NDUFS2: variants seen among roughly 807,000 people sequenced by gnomAD.
NDUFS2 encodes NADH dehydrogenase [ubiquinone] iron-sulfur protein 2, mitochondrial.
In NDUFS2, 38 loss-of-function variants were observed where a neutral mutation model predicts 69.6. The observed-to-expected ratio is 0.55, with a 90% CI of 0.42 to 0.72. The LOEUF (loss-of-function observed/expected upper bound fraction) is 0.72. NDUFS2 is among the 30% of genes least tolerant of loss of function. The probability of loss-of-function intolerance (pLI) is 0.00; values close to 1 mark genes in which losing one functional copy is unlikely to be tolerated. For missense variants in NDUFS2, 468 were observed against 595.0 expected, an observed-to-expected ratio of 0.79 and a Z score of 2.22; for synonymous variants, 194 against 211.2, an observed-to-expected ratio of 0.92 and a Z score of 0.70.
intron 2 of NDUFS2, among the ~76,000 whole-genome samples, 188 bp from the exon 3 acceptor site, chr1:161,206,219 A>G (rs990845259): frequency 1.3e-5 from 2 of 152,218 alleles, no homozygotes; most frequent in Non-Finnish European, 1.5e-5. Flanking sequence ...GATGTCTGTC[A>G]TCAGAAAGTT....
In NDUFS2 at chr1:161,212,362, G is replaced by A. The variant is rs150981760; in HGVS notation, c.998G>A (p.Arg333Gln). 4.2e-5 allele frequency: 68 copies of A among 1,613,282 alleles called. No homozygotes were observed. The highest frequency in any genetic ancestry group is 5.5e-5 in the Non-Finnish European group (65 of 1,179,616). Residue 333 changes from arginine (R) to glutamine (Q), a missense_variant, in exon 10 of 14, where the codon CGG becomes CAG. Arg to Gln is a conservative substitution (Grantham distance 43). This residue lies in a region of NDUFS2 where 339 missense variants were observed against 433.8 expected (regional missense o/e 0.78). Coordinates refer to ENST00000676972, the MANE Select transcript of NDUFS2 (RefSeq NM_001377299.1). ...RGDCYDRYLC[R>Q]VEEMRQSLRI... ...CTCATCTTCTTGAGGTACCTGTGCCGGGTGGAGGAGATGCGCCAGTCCCTG... is the reference window on the plus strand; with the variant it reads ...CTCATCTTCTTGAGGTACCTGTGCCAGGTGGAGGAGATGCGCCAGTCCCTG...
At chr1:161,198,083 C>G, upstream of NDUFS2, 1 of 1,612,998 alleles carries the variant, frequency 6.2e-7, no homozygotes, top group South Asian at 1.1e-5. The surrounding 1 kb of genome is among the most constrained non-coding windows in gnomAD (Gnocchi z 4.7). Flanking sequence ...ACTCTTCCGG[C>G]GTAGGATGTG....
At chr1:161,198,191 C>T (rs61747494), upstream of NDUFS2, 3,935 of 1,614,094 alleles carry the variant, frequency 2.4e-3, 10 homozygotes, top group Middle Eastern at 4.6e-3. This position sits in a 1 kb window ranked among gnomAD's most constrained non-coding sequence, Gnocchi z 4.7. Context: ...CAGGGCTCCC[C>T]CATCCCAGTG....
At chr1:161,198,763 G>T, upstream of NDUFS2, 1 of 784,942 alleles carries the variant, frequency 1.3e-6, no homozygotes. This position sits in a 1 kb window ranked among gnomAD's most constrained non-coding sequence, Gnocchi z 4.7. Flanking sequence ...TTTTCAGAAG[G>T]GCTGAGGACC....
Position 161,202,385 on chromosome 1 carries a change from G to A in NDUFS2, c.-1G>A, listed in dbSNP as rs1665178003. The A allele has an allele frequency of 1.2e-6, 2 of 1,611,240 alleles. No homozygotes were observed. Among genetic ancestry groups the A allele is most frequent in the Non-Finnish European group, 1.7e-6 (2 of 1,179,060 alleles). On this transcript the variant is annotated 5_prime_UTR_variant, in exon 1 of 14. Coordinates refer to ENST00000676972, the MANE Select transcript of NDUFS2 (RefSeq NM_001377299.1). ...TTCCCGCAGTCTGCAGCCGGAGTAA[G>A]ATGGCGGCGCTGAGGGCTTTGTGCG...
At chr1:161,198,723 C>A, upstream of NDUFS2, 1 of 1,209,482 alleles carries the variant, frequency 8.3e-7, no homozygotes, top group East Asian at 2.6e-5. This position sits in a 1 kb window ranked among gnomAD's most constrained non-coding sequence, Gnocchi z 4.7. Flanking sequence ...AGCCTGGGGG[C>A]TTGGACTCCT....
chr1:161,202,304 G>A, upstream of NDUFS2: 2 of 1,387,544 alleles, frequency 1.4e-6, no homozygotes, highest in Non-Finnish European at 2.0e-6. Context: ...TTCACTGTGC[G>A]AATAGGTGAG....
intron 9 of NDUFS2, 135 bp downstream of exon 9, chr1:161,210,845 C>T (rs563504406): frequency 8.5e-5 from 113 of 1,329,146 alleles, no homozygotes; most frequent in African/African-American, 5.2e-4. Flanking sequence ...AGGTTGCTCT[C>T]AAAACACTTT....
intron 2 of NDUFS2, 75 bp from the exon 3 acceptor site, chr1:161,206,332 G>C: frequency 2.0e-6 from 3 of 1,468,140 alleles, no homozygotes; most frequent in Admixed American, 1.7e-5. Context: ...TATAGGGAGA[G>C]GCTAACTCCT....
At chr1:161,197,615 G>C (rs1664904648), upstream of NDUFS2, 1 of 209,704 alleles carries the variant, frequency 4.8e-6, no homozygotes. Context: ...ATAGCTGGGA[G>C]TGGGGGATGA....
chr1:161,198,590 G>A (rs1664973382), upstream of NDUFS2: 1 of 1,537,572 alleles, frequency 6.5e-7, no homozygotes, highest in Non-Finnish European at 8.8e-7. This position sits in a 1 kb window ranked among gnomAD's most constrained non-coding sequence, Gnocchi z 4.7. Flanking sequence ...CCAGCGCCCT[G>A]CCAAGCCCCT....
chr1:161,209,118 G>A, intron 3 of NDUFS2, 75 bp from the exon 4 acceptor site: 6 of 1,606,844 alleles, frequency 3.7e-6, no homozygotes, highest in Non-Finnish European at 5.1e-6. Context: ...TGCCGACTGA[G>A]AGCAAGGCTT....
Position 161,213,917 on chromosome 1 carries a change from C to G in NDUFS2, c.1350C>G (p.Ile450Met). 6.2e-7 allele frequency: 1 copy of G among 1,614,172 alleles called. No individual in the cohort carries two copies. Among genetic ancestry groups the G allele is most frequent in the Non-Finnish European group, 8.5e-7 (1 of 1,180,040 alleles). ...ACATGTTGGCAGATGTCGTTGCCAT[C>G]ATAGGTACGAGGCCTATTGTGTAGT... is the stretch of plus-strand genomic sequence containing the variant. ...KGHMLADVVA[I>M]IGTQDIVFGE... The change falls in exon 13 of 14, where the codon ATC (isoleucine) becomes ATG (methionine). Residue 450 changes from isoleucine to methionine, a missense_variant. Around this residue, in one of 3 missense-constraint regions of NDUFS2, gnomAD observed 72 missense variants for 118.9 expected, o/e 0.61. Transcript: ENST00000676972.
rs769473314 is a variant in NDUFS2, at chr1:161,206,604, G to A, written c.393+7G>A. The A allele has an allele frequency of 1.7e-5, 28 of 1,612,472 alleles. No homozygotes were observed. In the South Asian group the frequency reaches 3.1e-4, roughly 18 times the overall value. On this transcript the variant is annotated splice_region_variant and intron_variant, in intron 3 of 13. Coordinates refer to ENST00000676972, the MANE Select transcript of NDUFS2 (RefSeq NM_001377299.1). ...ATACAAGACCTATCTTCAGGTGTGGGGGGTGAACAGGAGCCTTTTGGCGGG... is the reference window on the plus strand; with the variant it reads ...ATACAAGACCTATCTTCAGGTGTGGAGGGTGAACAGGAGCCTTTTGGCGGG...
At chr1:161,214,008 A>G in intron 13 of NDUFS2, 87 bp downstream of exon 13, 1 of 1,613,474 alleles carries the variant, frequency 6.2e-7, no homozygotes, top group Non-Finnish European at 8.5e-7. Context: ...CTTCCTGTTC[A>G]CCATAGGCCA....
intron 1 of NDUFS2, 105 bp from the exon 2 acceptor site, chr1:161,203,332 C>CA (rs1665262846): frequency 4.1e-6 from 4 of 978,126 alleles, no homozygotes; most frequent in East Asian, 2.5e-5. Flanking sequence ...CAAAACAAAA[C>CA]AAAAAAACAG....
At chr1:161,202,573 G>C in intron 1 of NDUFS2, 93 bp downstream of exon 1, 1 of 1,270,684 alleles carries the variant, frequency 7.9e-7, no homozygotes, top group Non-Finnish European at 1.1e-6. Context: ...AATAACCCAA[G>C]CCTGTGACCC....
intron 3 of NDUFS2, 82 bp from the exon 4 acceptor site, chr1:161,209,111 C>T (rs1198498872): frequency 1.3e-5 from 20 of 1,590,942 alleles, no homozygotes; most frequent in Admixed American, 5.0e-5. Context: ...CTTCTGGTGC[C>T]GACTGAGAGC....
chr1:161,198,040 G>A, upstream of NDUFS2: 1 of 1,595,668 alleles, frequency 6.3e-7, no homozygotes, highest in Non-Finnish European at 8.6e-7. This position sits in a 1 kb window ranked among gnomAD's most constrained non-coding sequence, Gnocchi z 4.7. Context: ...GAGGAGCCTT[G>A]ACGTTGCACA....
Sources: allele counts gnomAD v4.1 joint callset (sites outside exome capture counted in the v4.1 genomes callset), GRCh38; gene constraint gnomAD v4.1.1; regional missense constraint gnomAD v4.1.1; non-coding constraint Gnocchi (gnomAD v3.1); transcripts MANE v1.5; gene names NCBI Gene and HGNC (gene_info 2026-07-23, HGNC 2026-07-21).